WWP2: variants seen among roughly 807,000 people sequenced by gnomAD.
The protein encoded by WWP2 is NEDD4-like E3 ubiquitin-protein ligase WWP2.
In WWP2, 57 loss-of-function variants were observed where a neutral mutation model predicts 121.0. The observed-to-expected ratio is 0.47, with a 90% confidence interval of 0.38 to 0.59. WWP2 has a LOEUF of 0.59. Among genes scored for constraint, WWP2 ranks in the 20% least tolerant of loss-of-function variants. The pLI is 0.00. For missense variants in WWP2, 962 were observed against 1,158.9 expected (o/e 0.83, Z 2.47); for synonymous variants, 449 against 441.3 (o/e 1.02, Z -0.22).
intron 6 of WWP2, among the ~76,000 whole-genome samples, chr16:69,851,366 G>A (rs2057210503): frequency 6.6e-6 from 1 of 151,958 alleles, no homozygotes; most frequent in Non-Finnish European, 1.5e-5. Flanking sequence ...CCAGCCCATT[G>A]TAACCACTGA....
intron 10 of WWP2, among the ~76,000 whole-genome samples, chr16:69,919,787 CTTTT>C (rs1326246941): frequency 4.8e-5 from 6 of 124,412 alleles, no homozygotes; most frequent in Admixed American, 8.1e-5. Context: ...GGGTCCCTGA[CTTTT>C]TTTTTTTTTT....
intron 1 of WWP2, among the ~76,000 whole-genome samples, chr16:69,766,614 C>T (rs751505730): frequency 2.0e-5 from 3 of 152,140 alleles, no homozygotes; most frequent in Non-Finnish European, 4.4e-5. Flanking sequence ...CCAAAACCTG[C>T]CAGTGGTACT....
chr16:69,777,817 A>T (rs1440360004), intron 1 of WWP2, among the ~76,000 whole-genome samples: 1 of 150,780 alleles, frequency 6.6e-6, no homozygotes, highest in Non-Finnish European at 1.5e-5. Flanking sequence ...TTGTAATCCC[A>T]TCACTTTGGG....
At chr16:69,856,221 A>G (rs1363448547) in intron 6 of WWP2, among the ~76,000 whole-genome samples, 1 of 152,220 alleles carries the variant, frequency 6.6e-6, no homozygotes, top group Non-Finnish European at 1.5e-5. Flanking sequence ...CTTATGTTCT[A>G]TATGATTCCA....
intron 1 of WWP2, among the ~76,000 whole-genome samples, chr16:69,785,379 C>T (rs1046707372): frequency 6.6e-6 from 1 of 152,100 alleles, no homozygotes; most frequent in Non-Finnish European, 1.5e-5. Context: ...AATGGCTTCC[C>T]AATGCTTAAA....
At chr16:69,853,175 G>A (rs1469377417) in intron 6 of WWP2, among the ~76,000 whole-genome samples, 3 of 152,178 alleles carry the variant, frequency 2.0e-5, no homozygotes, top group Admixed American at 6.5e-5. Flanking sequence ...TTCATTGCAG[G>A]AAACAGAAAA....
chr16:69,881,167 G>A (rs1402187765), intron 7 of WWP2, among the ~76,000 whole-genome samples: 1 of 152,070 alleles, frequency 6.6e-6, no homozygotes, highest in East Asian at 1.9e-4. Context: ...TCCCTCCTTG[G>A]TACCCCACTT....
chr16:69,793,789 G>A (rs544629595), intron 2 of WWP2, among the ~76,000 whole-genome samples: 3 of 151,928 alleles, frequency 2.0e-5, no homozygotes, highest in Non-Finnish European at 4.4e-5. Context: ...AGCAGTAAGG[G>A]ATTATAGAAA....
chr16:69,769,053 T>C (rs956420471), intron 1 of WWP2, among the ~76,000 whole-genome samples: 6 of 152,188 alleles, frequency 3.9e-5, no homozygotes. Flanking sequence ...GCGCAGTGGC[T>C]CACGCCTGTA....
chr16:69,871,235 G>C (rs2057630872), intron 6 of WWP2, among the ~76,000 whole-genome samples: 1 of 152,208 alleles, frequency 6.6e-6, no homozygotes, highest in Non-Finnish European at 1.5e-5. Flanking sequence ...AATGAGCTAT[G>C]ATCGTGCCAC....
At chr16:69,826,736 A>G (rs1418836978) in intron 4 of WWP2, among the ~76,000 whole-genome samples, 1 of 151,416 alleles carries the variant, frequency 6.6e-6, no homozygotes, top group Non-Finnish European at 1.5e-5. Context: ...AAAAAAAAAA[A>G]AAAATTAGCC....
intron 2 of WWP2, among the ~76,000 whole-genome samples, chr16:69,793,455 C>A (rs1312765163): frequency 6.6e-6 from 1 of 152,116 alleles, no homozygotes; most frequent in Non-Finnish European, 1.5e-5. Flanking sequence ...ACAGAGTTAT[C>A]ACTCAGATCA....
At position 69,937,675 on chromosome 16, in the gene WWP2, G is replaced by C. The variant is rs780721383; in HGVS notation, c.2343+23G>C. ...CAGGTGGGTCCCGGGCCCAGGCCTT[G>C]GCAGGGACATTTGGGCCATCAACCA... is the stretch of plus-strand genomic sequence containing the variant. On this transcript the variant is annotated intron_variant, in intron 21 of 23. Transcript: ENST00000359154. This position sits in a 1 kb window ranked among gnomAD's most constrained non-coding sequence, Gnocchi z 6.6. The C allele has an allele frequency of 6.2e-7, 1 of 1,612,496 alleles. No homozygotes were observed. The highest frequency in any genetic ancestry group is 1.1e-5 in the South Asian group (1 of 90,992).
chr16:69,896,024 T>G (rs1188337263), intron 8 of WWP2, among the ~76,000 whole-genome samples: 1 of 152,232 alleles, frequency 6.6e-6, no homozygotes, highest in Non-Finnish European at 1.5e-5. Context: ...AAACTCTTAT[T>G]TCCAAAGATT....
chr16:69,809,442 G>T (rs1196072650), intron 4 of WWP2, among the ~76,000 whole-genome samples: 1 of 151,952 alleles, frequency 6.6e-6, no homozygotes, highest in Non-Finnish European at 1.5e-5. Context: ...GGTTGTTTCA[G>T]GAGGGAATTC....
At chr16:69,816,479 A>G (rs1030714819) in intron 4 of WWP2, among the ~76,000 whole-genome samples, 2 of 148,290 alleles carry the variant, frequency 1.3e-5, no homozygotes, top group African/African-American at 4.9e-5. Flanking sequence ...TATATACTTT[A>G]TATATGTAAT....
At chr16:69,782,142 G>A (rs1009794460) in intron 1 of WWP2, among the ~76,000 whole-genome samples, 1 of 152,134 alleles carries the variant, frequency 6.6e-6, no homozygotes, top group Admixed American at 6.6e-5. Flanking sequence ...AATTAGCTGG[G>A]CGTGTTAGCG....
At chr16:69,797,481 C>A (rs998369412) in intron 2 of WWP2, among the ~76,000 whole-genome samples, 4 of 152,056 alleles carry the variant, frequency 2.6e-5, no homozygotes, top group Admixed American at 6.6e-5. Flanking sequence ...ATGATATATT[C>A]CCTGCCTCAT....
chr16:69,808,487 C>T (rs767826641), intron 4 of WWP2, among the ~76,000 whole-genome samples: 2 of 152,088 alleles, frequency 1.3e-5, no homozygotes, highest in Non-Finnish European at 1.5e-5. Context: ...CTGCAACCTC[C>T]ACCTCCCAGG....
Sources: gnomAD v4.1 joint callset for allele counts (sites outside exome capture counted in the v4.1 genomes callset) on GRCh38, gnomAD v4.1.1 for gene constraint, Gnocchi (gnomAD v3.1) non-coding constraint, MANE v1.5 for transcripts, NCBI Gene and HGNC (gene_info 2026-07-23, HGNC 2026-07-21) for gene names.